ETS2: variants seen among roughly 807,000 people sequenced by gnomAD.
The protein encoded by ETS2 is protein C-ets-2.
A neutral mutation model predicts 54.9 loss-of-function variants in ETS2; 19 were observed. The observed-to-expected ratio is 0.35, with a 90% CI of 0.24 to 0.51. The LOEUF is 0.51. ETS2 is among the 20% of genes least tolerant of loss of function. The pLI, the probability that ETS2 is intolerant of heterozygous loss-of-function variation, is 0.97. For missense variants in ETS2, 417 were observed against 593.0 expected, an observed-to-expected ratio of 0.70 and a Z score of 3.08; for synonymous variants, 219 against 229.3, an observed-to-expected ratio of 0.95 and a Z score of 0.41.
chr21:38,812,093 T>G (rs2060915956), intron 2 of ETS2, among the ~76,000 whole-genome samples: 1 of 152,248 alleles, frequency 6.6e-6, no homozygotes, highest in Admixed American at 6.5e-5. Context: ...TGTCATGTAT[T>G]ACTATTTTCC....
intron 8 of ETS2, among the ~76,000 whole-genome samples, 188 bp downstream of exon 8, chr21:38,819,954 T>G (rs1484174092): frequency 1.3e-5 from 2 of 152,188 alleles, no homozygotes; most frequent in Non-Finnish European, 2.9e-5. Context: ...TGGAGGAATT[T>G]TCATGTACAC....
At position 38,822,670 on chromosome 21, in the gene ETS2, A is replaced by G; in HGVS notation, c.1195-4A>G. 6.2e-7 allele frequency: 1 copy of G among 1,612,348 alleles called. No homozygotes were observed. Among genetic ancestry groups the G allele is most frequent in the East Asian group, 2.2e-5 (1 of 44,868 alleles). ...TAACTCTTTTCCATCCATGTTCACC[A>G]AAGGTGGCCCGCCGGTGGGGAAAGA... is the stretch of plus-strand genomic sequence containing the variant. On this transcript the variant is annotated splice_region_variant and splice_polypyrimidine_tract_variant and intron_variant, in intron 9 of 9. Coordinates refer to ENST00000360938, the MANE Select transcript of ETS2 (RefSeq NM_005239.6).
chr21:38,806,156 G>T lies in ETS2; in HGVS notation c.-1+36G>T. 2.0e-6 allele frequency: 2 copies of T among 1,012,718 alleles called. No homozygotes were observed. The highest frequency in any genetic ancestry group is 2.4e-6 in the Non-Finnish European group (2 of 848,186). 62.7% of individuals were successfully genotyped at this position (1,012,718 alleles called of 1,614,324 possible). On this transcript the variant is annotated intron_variant, in intron 1 of 9. Transcript: ENST00000360938. This position sits in a 1 kb window ranked among gnomAD's most constrained non-coding sequence, Gnocchi z 4.3. ...GGCCCGCAGAGAGCGCCCGGCGCGC[G>T]GCTCCAGTCCCATGGAGGGTCACCC...
At position 38,814,927 on chromosome 21, in the gene ETS2, G is replaced by A. The variant is rs747282020; in HGVS notation, c.451G>A (p.Ala151Thr). ...NLGKERFLEL[A>T]PDFVGDILWE... ...TGGCAAGGAACGCTTTCTGGAGCTG[G>A]CACCTGACTTTGTGGGTGACATTCT... Residue 151 changes from alanine (A) to threonine (T), a missense_variant, in exon 5 of 10, where the codon GCA becomes ACA. Around this residue, in one of 3 missense-constraint regions of ETS2, gnomAD observed 326 missense variants for 426.1 expected, o/e 0.76. Transcript: ENST00000360938. The surrounding 1 kb of genome is among the most constrained non-coding windows in gnomAD (Gnocchi z 4.2). The A allele has an allele frequency of 6.2e-7, 1 of 1,614,190 alleles. No individual in the cohort carries two copies. Among genetic ancestry groups the A allele is most frequent in the Non-Finnish European group, 8.5e-7 (1 of 1,180,036 alleles).
At chr21:38,819,357 T>C in intron 7 of ETS2, 146 bp from the exon 8 acceptor site, 2 of 672,588 alleles carry the variant, frequency 3.0e-6, no homozygotes, top group Non-Finnish European at 2.6e-6. Context: ...AATAAGCACC[T>C]GAGTAGAGAG....
At chr21:38,812,391 G>A (rs2060917073) in intron 2 of ETS2, among the ~76,000 whole-genome samples, 1 of 152,176 alleles carries the variant, frequency 6.6e-6, no homozygotes, top group Non-Finnish European at 1.5e-5. Flanking sequence ...GTAAGATTCT[G>A]TTATTTTCAG....
chr21:38,823,578 C>T lies in ETS2; in HGVS notation c.*689C>T, dbSNP rs2060966992. 1 of 152,456 alleles carries T rather than the reference C, an allele frequency of 6.6e-6. No homozygotes were observed. Among genetic ancestry groups the T allele is most frequent in the Admixed American group, 6.6e-5 (1 of 15,260 alleles). 9.4% of individuals were successfully genotyped at this position (152,456 alleles called of 1,614,324 possible). A position where few individuals can be genotyped will look rare whatever the true frequency, so the allele number is the denominator to read the frequency against. On this transcript the variant is annotated 3_prime_UTR_variant, in exon 10 of 10. Transcript: ENST00000360938. ...GTATTATTTACATTTAATAGACTTACAGGGATAAGGCCTGTGGGGGGTAAT... is the reference window on the plus strand; with the variant it reads ...GTATTATTTACATTTAATAGACTTATAGGGATAAGGCCTGTGGGGGGTAAT...
chr21:38,806,253 G>T lies in ETS2; in HGVS notation c.-1+133G>T. ...GGCGCTGCCGGGGGTGCAGGTGGGG[G>T]TGGCGGCTGCTGCGAGGACTCTAGG... On this transcript the variant is annotated intron_variant, in intron 1 of 9. Transcript: ENST00000360938. This position sits in a 1 kb window ranked among gnomAD's most constrained non-coding sequence, Gnocchi z 4.3. 2 of 971,350 alleles carry T rather than the reference G, an allele frequency of 2.1e-6. No homozygotes were observed. The highest frequency in any genetic ancestry group is 2.5e-6 in the Non-Finnish European group (2 of 815,778). The allele number at this position is 971,350 out of a possible 1,614,324, so 60.2% of individuals were successfully genotyped here. A position where few individuals can be genotyped will look rare whatever the true frequency, so the allele number is the denominator to read the frequency against.
rs1379177857 is a variant in ETS2 at position 38,821,822 on chromosome 21, A to C, written c.1194+118A>C. ...CACCAGTACTGCTGAGAATCTTTCCACGTGAGGCATCCTTGGCTGTTGGGA... is the reference window on the plus strand; with the variant it reads ...CACCAGTACTGCTGAGAATCTTTCCCCGTGAGGCATCCTTGGCTGTTGGGA... On this transcript the variant is annotated intron_variant, in intron 9 of 9. Transcript: ENST00000360938. This position sits in a 1 kb window ranked among gnomAD's most constrained non-coding sequence, Gnocchi z 4.2. 1.4e-5 allele frequency: 10 copies of C among 715,020 alleles called. No homozygotes were observed. The highest frequency in any genetic ancestry group is 2.2e-5 in the Admixed American group (1 of 46,246). The allele number at this position is 715,020 out of a possible 1,614,324, so 44.3% of individuals were successfully genotyped here.
rs747916912 is a variant in ETS2 at position 38,819,506 on chromosome 21, C to T, written c.815C>T (p.Thr272Ile). The T allele has an allele frequency of 1.3e-5, 21 of 1,613,414 alleles. No homozygotes were observed. Among genetic ancestry groups the T allele is most frequent in the South Asian group, 2.2e-5 (2 of 91,088 alleles). Residue 272 changes from threonine (T) to isoleucine (I), a missense_variant, in exon 8 of 10, where the codon ACT becomes ATT. Around this residue, in one of 3 missense-constraint regions of ETS2, gnomAD observed 326 missense variants for 426.1 expected, o/e 0.76. Coordinates refer to ENST00000360938, the MANE Select transcript of ETS2 (RefSeq NM_005239.6). Reference sequence around the variant, plus strand: ...TGTGTTTGGTTGTCTTTGCCAGGGACTCCCAAAGACCACGACTCCCCTGAG... The same window carrying T: ...TGTGTTTGGTTGTCTTTGCCAGGGATTCCCAAAGACCACGACTCCCCTGAG... ...NLNLLTNNSG[T>I]PKDHDSPENG...
intron 9 of ETS2, 26 bp from the exon 10 acceptor site, chr21:38,822,648 C>T (rs1360148515): frequency 1.9e-6 from 3 of 1,584,992 alleles, no homozygotes; most frequent in Non-Finnish European, 2.6e-6. Context: ...TTGAGTTTAA[C>T]TCTTTTCCAT....
chr21:38,809,141 C>T (rs2060904596), intron 1 of ETS2, among the ~76,000 whole-genome samples: 1 of 152,138 alleles, frequency 6.6e-6, no homozygotes. Flanking sequence ...TCAAATTAAC[C>T]TAATATATTC....
chr21:38,822,867 T>C lies in ETS2; in HGVS notation c.1388T>C (p.Val463Ala), dbSNP rs766845683. Reference sequence around the variant, plus strand: ...GAGGAACTGCACGCCATCCTGGGCGTCCAGCCCGACACGGAGGACTGAGGT... The same window carrying C: ...GAGGAACTGCACGCCATCCTGGGCGCCCAGCCCGACACGGAGGACTGAGGT... ...TPEELHAILG[V>A]QPDTED The change falls in exon 10 of 10, where the codon GTC (valine) becomes GCC (alanine). Residue 463 changes from valine to alanine, a missense_variant. Physicochemically the swap from Val to Ala is moderately conservative, Grantham distance 64. Coordinates refer to ENST00000360938, the MANE Select transcript of ETS2 (RefSeq NM_005239.6). The C allele has an allele frequency of 2.5e-6, 4 of 1,593,780 alleles. No homozygotes were observed. The African/African-American group carries it at 4.0e-5, about 16-fold the overall frequency.
Position 38,806,936 on chromosome 21 carries a change from G to C in ETS2, c.-1+816G>C, listed in dbSNP as rs1448947591. The C allele has an allele frequency of 1.6e-6, 1 of 632,204 alleles. No homozygotes were observed. Among genetic ancestry groups the C allele is most frequent in the Non-Finnish European group, 2.0e-6 (1 of 507,536 alleles). The allele number at this position is 632,204 out of a possible 1,614,324, so 39.2% of individuals were successfully genotyped here. A position where few individuals can be genotyped will look rare whatever the true frequency, so the allele number is the denominator to read the frequency against. ...GGTAGCCTAAAACAGTAGTTGACGC[G>C]CTAGTTATTTAGAAAGTAAAGAAAT... On this transcript the variant is annotated intron_variant, in intron 1 of 9. Coordinates refer to ENST00000360938, the MANE Select transcript of ETS2 (RefSeq NM_005239.6). The surrounding 1 kb of genome is among the most constrained non-coding windows in gnomAD (Gnocchi z 4.3).
Position 38,806,041 on chromosome 21 carries a change from C to A in ETS2, c.-80C>A, listed in dbSNP as rs1363501597. 3 of 1,215,890 alleles carry A rather than the reference C, an allele frequency of 2.5e-6. No homozygotes were observed. Among genetic ancestry groups the A allele is most frequent in the Non-Finnish European group, 3.1e-6 (3 of 957,056 alleles). 75.3% of individuals were successfully genotyped at this position (1,215,890 alleles called of 1,614,324 possible). On this transcript the variant is annotated 5_prime_UTR_variant, in exon 1 of 10. Transcript: ENST00000360938. The surrounding 1 kb of genome is among the most constrained non-coding windows in gnomAD (Gnocchi z 4.3). The stretch of plus-strand genomic sequence containing the variant: ...CGTCTCTGGCCGGCGCCCTCGCCCT[C>A]GCCCGGCGCGCACCGAGCAGCCGCG...
chr21:38,806,701 G>C lies in ETS2; in HGVS notation c.-1+581G>C. 1 of 985,502 alleles carries C rather than the reference G, an allele frequency of 1.0e-6. No individual in the cohort carries two copies. The highest frequency in any genetic ancestry group is 1.2e-6 in the Non-Finnish European group (1 of 829,986). 61.0% of individuals were successfully genotyped at this position (985,502 alleles called of 1,614,324 possible). A position where few individuals can be genotyped will look rare whatever the true frequency, so the allele number is the denominator to read the frequency against. On this transcript the variant is annotated intron_variant, in intron 1 of 9. Transcript: ENST00000360938. This position sits in a 1 kb window ranked among gnomAD's most constrained non-coding sequence, Gnocchi z 4.3. ...GCTCGCCGCGTCCAGGGCCCGGGCT[G>C]GGGACCCCTCGGTCGTGCGAGGAGA...
chr21:38,813,144 T>C, intron 3 of ETS2, 30 bp downstream of exon 3: 3 of 1,382,998 alleles, frequency 2.2e-6, no homozygotes, highest in Non-Finnish European at 3.1e-6. Context: ...TGACAAATTG[T>C]GCATGATTTT....
At chr21:38,808,593 TG>T (rs2060902426) in intron 1 of ETS2, among the ~76,000 whole-genome samples, 1 of 144,554 alleles carries the variant, frequency 6.9e-6, no homozygotes, top group Non-Finnish European at 1.5e-5. Context: ...TGTGTGTATG[TG>T]TGTGTGTGTG....
At chr21:38,818,351 C>T in intron 6 of ETS2, 74 bp from the exon 7 acceptor site, 1 of 1,604,238 alleles carries the variant, frequency 6.2e-7, no homozygotes, top group Non-Finnish European at 8.5e-7. Context: ...GCTCACCTGT[C>T]ATTTGCTCGT....
Sources: gnomAD v4.1 joint callset for allele counts (sites outside exome capture counted in the v4.1 genomes callset) on GRCh38, gnomAD v4.1.1 for gene constraint, gnomAD v4.1.1 regional missense constraint, Gnocchi (gnomAD v3.1) non-coding constraint, MANE v1.5 for transcripts, NCBI Gene and HGNC (gene_info 2026-07-23, HGNC 2026-07-21) for gene names.